Variants in SAMD4A observed in about 807,000 individuals in gnomAD.
The protein encoded by SAMD4A is protein Smaug homolog 1.
Under a neutral mutation model 81.3 loss-of-function variants are expected in SAMD4A, and 33 were observed. The observed-to-expected ratio is 0.41, with a 90% CI of 0.31 to 0.54. The LOEUF is 0.54. Among genes scored for constraint, SAMD4A ranks in the 20% least tolerant of loss-of-function variants. The pLI is 0.37. For missense variants in SAMD4A, 854 were observed against 951.1 expected, an observed-to-expected ratio of 0.90 and a Z score of 1.34; for synonymous variants, 389 against 382.1, an observed-to-expected ratio of 1.02 and a Z score of -0.21.
At chr14:54,776,224 G>T (rs185658293) in intron 10 of SAMD4A, among the ~76,000 whole-genome samples, 190 bp from the exon 11 acceptor site, 1 of 152,234 alleles carries the variant, frequency 6.6e-6, no homozygotes, top group Non-Finnish European at 1.5e-5. Context: ...AGGAGGTGAA[G>T]AGAAATTACA....
intron 2 of SAMD4A, among the ~76,000 whole-genome samples, chr14:54,672,781 A>G (rs980127573): frequency 1.3e-5 from 2 of 152,246 alleles, no homozygotes; most frequent in Non-Finnish European, 2.9e-5. Flanking sequence ...AAGATCAATT[A>G]CCATAAAATG....
intron 2 of SAMD4A, among the ~76,000 whole-genome samples, chr14:54,647,197 GTTA>G (rs1463131102): frequency 2.0e-5 from 3 of 152,040 alleles, no homozygotes; most frequent in African/African-American, 4.8e-5. Flanking sequence ...TGTTTGATAC[GTTA>G]TTATCATCAT....
chr14:54,702,445 C>T lies in SAMD4A; in HGVS notation c.580C>T (p.Arg194Trp), dbSNP rs149215072. Residue 194 changes from arginine (R) to tryptophan (W), a missense_variant, in exon 3 of 13, where the codon CGG becomes TGG. By Grantham distance (101) the Arg-to-Trp change is moderately radical (BLOSUM62 -3). This residue lies in a region of SAMD4A where 387 missense variants were observed against 405.8 expected (regional missense o/e 0.95). Coordinates refer to ENST00000554335, the MANE Select transcript of SAMD4A (RefSeq NM_015589.6). ...DDKLNGWQNS[R>W]DSGICINASN... Reference sequence around the variant, plus strand: ...CAAGCTCAATGGGTGGCAGAACTCTCGGGATTCTGGGATTTGCATCAATGC... The same window carrying T: ...CAAGCTCAATGGGTGGCAGAACTCTTGGGATTCTGGGATTTGCATCAATGC... The T allele has an allele frequency of 7.2e-5, 117 of 1,614,020 alleles. 1 individual carries two copies. Among genetic ancestry groups the T allele is most frequent in the South Asian group, 6.1e-4 (56 of 91,084 alleles).
intron 3 of SAMD4A, among the ~76,000 whole-genome samples, chr14:54,713,896 G>C (rs1218206502): frequency 6.6e-6 from 1 of 152,104 alleles, no homozygotes; most frequent in Non-Finnish European, 1.5e-5. Context: ...ATAACTAGAG[G>C]TATAGTTATG....
chr14:54,714,861 C>G (rs1404644619), intron 3 of SAMD4A, among the ~76,000 whole-genome samples: 1 of 152,080 alleles, frequency 6.6e-6, no homozygotes, highest in East Asian at 1.9e-4. Flanking sequence ...AAATTGAAAT[C>G]AAGATACTTT....
In SAMD4A at chr14:54,788,987, G is replaced by T; in HGVS notation, c.*43G>T. 2.5e-6 allele frequency: 4 copies of T among 1,607,594 alleles called. No homozygotes were observed. The highest frequency in any genetic ancestry group is 2.6e-6 in the Non-Finnish European group (3 of 1,174,034). On this transcript the variant is annotated 3_prime_UTR_variant, in exon 13 of 13. Coordinates refer to ENST00000554335, the MANE Select transcript of SAMD4A (RefSeq NM_015589.6). Reference sequence around the variant, plus strand: ...GACCGCGCTGGCCGTGAAATCGACTGCTGCGGGTCCAGTGTCCGCCATCTT... The same window carrying T: ...GACCGCGCTGGCCGTGAAATCGACTTCTGCGGGTCCAGTGTCCGCCATCTT...
chr14:54,712,860 C>G, intron 3 of SAMD4A, among the ~76,000 whole-genome samples: 1 of 152,088 alleles, frequency 6.6e-6, no homozygotes, highest in East Asian at 1.9e-4. Context: ...CAGAGGAAGA[C>G]AGTTGTGTTC....
chr14:54,568,132 C>A lies in SAMD4A; in HGVS notation c.196+20C>A. ...GCCCCGGTAAGTGTGCGGCGGCCGC[C>A]GCCGCCGTCCCGCCTGCCCAACCCC... On this transcript the variant is annotated intron_variant, in intron 2 of 12. Coordinates refer to ENST00000554335, the MANE Select transcript of SAMD4A (RefSeq NM_015589.6). The A allele has an allele frequency of 6.9e-7, 1 of 1,453,820 alleles. No homozygotes were observed. The highest frequency in any genetic ancestry group is 9.0e-7 in the Non-Finnish European group (1 of 1,109,288). The allele number at this position is 1,453,820 out of a possible 1,614,324, so 90.1% of individuals were successfully genotyped here.
intron 2 of SAMD4A, among the ~76,000 whole-genome samples, chr14:54,692,408 A>G (rs2036463933): frequency 6.6e-6 from 1 of 152,218 alleles, no homozygotes; most frequent in Non-Finnish European, 1.5e-5. Flanking sequence ...GACATTGCCA[A>G]GGATGCTGGC....
intron 8 of SAMD4A, among the ~76,000 whole-genome samples, chr14:54,766,952 C>T (rs995902072): frequency 3.9e-5 from 6 of 152,102 alleles, no homozygotes; most frequent in Non-Finnish European, 5.9e-5. Flanking sequence ...TGTTTTTTCC[C>T]CTTGACCTCC....
intron 6 of SAMD4A, among the ~76,000 whole-genome samples, chr14:54,756,962 G>GTGTTCATT (rs1251507149): frequency 6.6e-6 from 1 of 152,222 alleles, no homozygotes; most frequent in African/African-American, 2.4e-5. Context: ...GTTAGTTAAT[G>GTGTTCATT]AACAGCTTCA....
chr14:54,722,927 A>G (rs2037298661), intron 3 of SAMD4A, among the ~76,000 whole-genome samples: 1 of 152,166 alleles, frequency 6.6e-6, no homozygotes, highest in African/African-American at 2.4e-5. Flanking sequence ...TCTACTTTCA[A>G]TAAAATGTCG....
At chr14:54,644,864 G>T (rs2035252324) in intron 2 of SAMD4A, among the ~76,000 whole-genome samples, 1 of 152,064 alleles carries the variant, frequency 6.6e-6, no homozygotes, top group Non-Finnish European at 1.5e-5. Flanking sequence ...TGGATGGTGT[G>T]GGAAAATCTC....
chr14:54,726,699 C>T (rs1168515078), intron 3 of SAMD4A, among the ~76,000 whole-genome samples: 2 of 152,076 alleles, frequency 1.3e-5, no homozygotes, highest in African/African-American at 2.4e-5. Flanking sequence ...TCTAAAAGTA[C>T]AAATGCTCTG....
At chr14:54,755,758 G>A (rs548926834) in intron 6 of SAMD4A, among the ~76,000 whole-genome samples, 4 of 152,250 alleles carry the variant, frequency 2.6e-5, no homozygotes, top group African/African-American at 9.6e-5. Context: ...GATACGTGGT[G>A]GAAAAGGAAA....
chr14:54,601,840 C>G (rs545739254), intron 2 of SAMD4A, among the ~76,000 whole-genome samples: 3 of 152,218 alleles, frequency 2.0e-5, no homozygotes, highest in Non-Finnish European at 2.9e-5. Context: ...TCTTACATCA[C>G]TATCCTAAGA....
intron 8 of SAMD4A, among the ~76,000 whole-genome samples, chr14:54,766,894 C>T (rs2038559798): frequency 1.3e-5 from 2 of 152,266 alleles, no homozygotes; most frequent in South Asian, 2.1e-4. Flanking sequence ...ACGCTTCCTG[C>T]TTGCCTGCCA....
At chr14:54,724,048 G>GGAAGGAAGGAATGAAT (rs1193163741) in intron 3 of SAMD4A, among the ~76,000 whole-genome samples, 3 of 150,958 alleles carry the variant, frequency 2.0e-5, no homozygotes, top group Admixed American at 2.0e-4. Context: ...AAGGAAGGAA[G>GGAAGGAAGGAATGAAT]GAATAATGCA....
At chr14:54,630,908 ATGTGTG>A (rs5808786) in intron 2 of SAMD4A, among the ~76,000 whole-genome samples, 28,441 of 144,170 alleles carry the variant, frequency 0.2, 3,067 homozygotes, top group East Asian at 0.31. Flanking sequence ...TGTATTTTAT[ATGTGTG>A]TGTGTGTGTG....
Sources: allele counts gnomAD v4.1 joint callset (sites outside exome capture counted in the v4.1 genomes callset), GRCh38; gene constraint gnomAD v4.1.1; regional missense constraint gnomAD v4.1.1; transcripts MANE v1.5; gene names NCBI Gene and HGNC (gene_info 2026-07-23, HGNC 2026-07-21).